AXIN2: variants seen among roughly 807,000 people sequenced by gnomAD.
The protein encoded by AXIN2 is axin 2.
In AXIN2, 21 loss-of-function variants were observed where a neutral mutation model predicts 74.7. The ratio of observed to expected loss-of-function variants is 0.28; its 90% CI spans 0.20 to 0.40. AXIN2 has a LOEUF of 0.40. Among genes scored for constraint, AXIN2 ranks in the 10% least tolerant of loss-of-function variants. AXIN2 has a pLI of 1.00. For synonymous variants in AXIN2, 532 were observed against 454.9 expected, an observed-to-expected ratio of 1.17 and a Z score of -2.16; for missense variants, 1,144 against 1,111.1, an observed-to-expected ratio of 1.03 and a Z score of -0.42.
intron 4 of AXIN2, among the ~76,000 whole-genome samples, chr17:65,541,201 T>G (rs2044036708): frequency 6.6e-6 from 1 of 152,166 alleles, no homozygotes; most frequent in Non-Finnish European, 1.5e-5. Context: ...TTTTATAAAT[T>G]ACTCAACCTC....
intron 1 of AXIN2, among the ~76,000 whole-genome samples, chr17:65,559,190 T>A (rs1226907617): frequency 6.6e-6 from 1 of 151,958 alleles, no homozygotes; most frequent in Non-Finnish European, 1.5e-5. Context: ...GAAACCAATT[T>A]CGGTATATTT....
rs192185171 is a variant in AXIN2 at position 65,529,667 on chromosome 17, G to T, written c.*309C>A. 8.9e-3 allele frequency: 4,062 copies of T among 455,118 alleles called. 66 individuals are homozygous for T. Among genetic ancestry groups the T allele is most frequent in the South Asian group, 0.04 (1,832 of 45,638 alleles). The allele number at this position is 455,118 out of a possible 1,614,324, so 28.2% of individuals were successfully genotyped here. ...AGTTTCTCTTAGTTTATGGATTTCA[G>T]ATCCCTAGGAAGTCATATATTATGT... On this transcript the variant is annotated 3_prime_UTR_variant, in exon 11 of 11. Transcript: ENST00000307078.
chr17:65,538,005 C>A, intron 5 of AXIN2, 170 bp from the exon 6 acceptor site: 1 of 1,304,128 alleles, frequency 7.7e-7, no homozygotes, highest in South Asian at 1.3e-5. Flanking sequence ...CATATCCACA[C>A]GCATATGCAC....
intron 1 of AXIN2, among the ~76,000 whole-genome samples, chr17:65,559,161 C>T (rs2044323480): frequency 6.6e-6 from 1 of 152,144 alleles, no homozygotes; most frequent in Admixed American, 6.5e-5. Context: ...CACTCCCAGC[C>T]GCTAGGCTGT....
At chr17:65,559,426 T>C (rs1598121567) in intron 1 of AXIN2, 1 of 152,132 alleles carries the variant, frequency 6.6e-6, no homozygotes, top group African/African-American at 2.4e-5. Context: ...ATTTGAGTGT[T>C]CGCTACGCGC....
chr17:65,530,775 T>G (rs2043802874), intron 10 of AXIN2, among the ~76,000 whole-genome samples: 1 of 152,166 alleles, frequency 6.6e-6, no homozygotes, highest in South Asian at 2.1e-4. Flanking sequence ...TCTCCCCATT[T>G]CCAGGCCTCT....
At chr17:65,560,333 C>A (rs1252365604) in intron 1 of AXIN2, 3 of 149,986 alleles carry the variant, frequency 2.0e-5, no homozygotes, top group South Asian at 2.2e-4. Context: ...TCCGCCAGCG[C>A]TGTGGGCCCC....
rs763012548 is a variant in AXIN2, at chr17:65,558,447, G to A, written c.174C>T (p.Asn58=). 6.9e-6 allele frequency: 11 copies of A among 1,599,470 alleles called. No individual in the cohort carries two copies. The highest frequency in any genetic ancestry group is 4.0e-5 in the African/African-American group (3 of 74,702). Residue 58 remains asparagine (N), a synonymous_variant, in exon 2 of 11, where the codon AAC becomes AAT. Transcript: ENST00000307078. ...PMPVSSNTRR[N]EDGLGEPEGR... Reference sequence around the variant, plus strand: ...CCTCCGGCTCCCCCAACCCATCTTCGTTCCGCCTGGTGTTGGAAGAGACAG... The same window carrying A: ...CCTCCGGCTCCCCCAACCCATCTTCATTCCGCCTGGTGTTGGAAGAGACAG...
In AXIN2 at chr17:65,536,488, C is replaced by A; in HGVS notation, c.1973G>T (p.Ser658Ile). Residue 658 changes from serine to isoleucine, a missense_variant, in exon 8 of 11, where the codon AGC (serine) becomes ATC (isoleucine). This residue lies in a region of AXIN2 where 1,053 missense variants were observed against 973.5 expected (regional missense o/e 1.08). Coordinates refer to ENST00000307078, the MANE Select transcript of AXIN2 (RefSeq NM_004655.4). ...GTTGCCCCCCCACAGATGGTGCCGGCTGGCTCGTTCGCCTGGAGACGAGCG... is the reference window on the plus strand; with the variant it reads ...GTTGCCCCCCCACAGATGGTGCCGGATGGCTCGTTCGCCTGGAGACGAGCG... ...SARSSPGERA[S>I]RHHLWGGNSG... The A allele has an allele frequency of 6.2e-7, 1 of 1,613,840 alleles. No individual in the cohort carries two copies. The highest frequency in any genetic ancestry group is 8.5e-7 in the Non-Finnish European group (1 of 1,179,996).
chr17:65,534,149 G>T, intron 9 of AXIN2, 70 bp from the exon 10 acceptor site: 1 of 1,539,186 alleles, frequency 6.5e-7, no homozygotes, highest in Non-Finnish European at 9.0e-7. Flanking sequence ...AAACACACAC[G>T]TGCGCACATG....
At chr17:65,541,413 A>G (rs1192569504) in intron 4 of AXIN2, 42 bp downstream of exon 4, 2 of 1,546,752 alleles carry the variant, frequency 1.3e-6, no homozygotes, top group Admixed American at 3.3e-5. Flanking sequence ...AGGACTCAAC[A>G]TGGCAGAAAA....
intron 1 of AXIN2, chr17:65,560,198 G>A (rs963034369): frequency 5.3e-5 from 8 of 152,314 alleles, no homozygotes; most frequent in African/African-American, 1.9e-4. Flanking sequence ...ATGGCGACGC[G>A]CGGAGTCTCT....
chr17:65,553,423 T>C (rs2044221549), intron 2 of AXIN2, among the ~76,000 whole-genome samples: 1 of 152,092 alleles, frequency 6.6e-6, no homozygotes, highest in South Asian at 2.1e-4. Flanking sequence ...TATTAACACA[T>C]CAACCATGTC....
chr17:65,529,317 C>T lies in AXIN2; in HGVS notation c.*659G>A, dbSNP rs1413603172. On this transcript the variant is annotated 3_prime_UTR_variant, in exon 11 of 11. Coordinates refer to ENST00000307078, the MANE Select transcript of AXIN2 (RefSeq NM_004655.4). ...GACGCAACATGGTCAACCCTCAAGA[C>T]CTTTAAGACAAAACAGAGCAGCATA... The T allele has an allele frequency of 2.1e-5, 5 of 238,312 alleles. No individual in the cohort carries two copies. Among genetic ancestry groups the T allele is most frequent in the Non-Finnish European group, 4.1e-5 (5 of 121,212 alleles). The allele number at this position is 238,312 out of a possible 1,614,324, so 14.8% of individuals were successfully genotyped here. A position where few individuals can be genotyped will look rare whatever the true frequency, so the allele number is the denominator to read the frequency against.
chr17:65,540,949 T>G (rs565450859), intron 4 of AXIN2, among the ~76,000 whole-genome samples: 1 of 152,280 alleles, frequency 6.6e-6, no homozygotes, highest in South Asian at 2.1e-4. Context: ...TGGCGTTAGC[T>G]CACTACAACC....
At chr17:65,553,125 G>C (rs771828183) in intron 2 of AXIN2, among the ~76,000 whole-genome samples, 9 of 152,138 alleles carry the variant, frequency 5.9e-5, no homozygotes, top group Admixed American at 2.0e-4. Context: ...ATAATGACTG[G>C]ACACTGGTGT....
In AXIN2 at chr17:65,529,962, C is replaced by G; in HGVS notation, c.*14G>C. The G allele has an allele frequency of 6.2e-7, 1 of 1,614,174 alleles. No individual in the cohort carries two copies. The highest frequency in any genetic ancestry group is 8.5e-7 in the Non-Finnish European group (1 of 1,180,012). On this transcript the variant is annotated 3_prime_UTR_variant, in exon 11 of 11. Coordinates refer to ENST00000307078, the MANE Select transcript of AXIN2 (RefSeq NM_004655.4). ...TTCGGGCTCCAACAGTTCACCAAAG[C>G]CAGACCCCAGGGCTCAATCGATCCG...
rs757142681 is a variant in AXIN2, at chr17:65,536,860, G to A, written c.1907+9C>T. Reference sequence around the variant, plus strand: ...CCTCGCGGCCGCGGCGGCGGCAAGCGGTGTTTACCTATGGGGCTTGGGCTT... The same window carrying A: ...CCTCGCGGCCGCGGCGGCGGCAAGCAGTGTTTACCTATGGGGCTTGGGCTT... On this transcript the variant is annotated intron_variant, in intron 7 of 10. Coordinates refer to ENST00000307078, the MANE Select transcript of AXIN2 (RefSeq NM_004655.4). The A allele has an allele frequency of 2.5e-6, 4 of 1,612,882 alleles. No homozygotes were observed. Among genetic ancestry groups the A allele is most frequent in the Non-Finnish European group, 3.4e-6 (4 of 1,179,896 alleles).
intron 2 of AXIN2, among the ~76,000 whole-genome samples, chr17:65,554,680 G>A (rs1220343172): frequency 5.3e-5 from 8 of 152,218 alleles, no homozygotes; most frequent in Admixed American, 2.6e-4. Flanking sequence ...AGCAGCACTC[G>A]GAGCCAGCAG....
Sources: allele counts gnomAD v4.1 joint callset (sites outside exome capture counted in the v4.1 genomes callset), GRCh38; gene constraint gnomAD v4.1.1; regional missense constraint gnomAD v4.1.1; transcripts MANE v1.5; gene names NCBI Gene and HGNC (gene_info 2026-07-23, HGNC 2026-07-21).